Variants in CNTN4 observed in about 807,000 individuals in gnomAD.
CNTN4 encodes the protein contactin-4.
CNTN4 carries 77 observed loss-of-function variants against 122.5 expected under a neutral mutation model. The ratio of observed to expected loss-of-function variants is 0.63; its 90% confidence interval spans 0.52 to 0.76. The LOEUF (loss-of-function observed/expected upper bound fraction) is 0.76, where lower values mean the gene tolerates loss of function less well. Ranked by LOEUF, CNTN4 falls within the 30% of genes least tolerant of loss-of-function variation. CNTN4 has a pLI of 0.00. For missense variants in CNTN4, 1,256 were observed against 1,259.1 expected, an observed-to-expected ratio of 1.00 and a Z score of 0.04; for synonymous variants, 512 against 447.0, an observed-to-expected ratio of 1.15 and a Z score of -1.83.
At chr3:2,437,150 T>C (rs1334201185) in intron 3 of CNTN4, among the ~76,000 whole-genome samples, 1 of 152,178 alleles carries the variant, frequency 6.6e-6, no homozygotes, top group African/African-American at 2.4e-5. Flanking sequence ...ATCCTGTTCA[T>C]TGCCAAAGTG....
chr3:2,144,170 A>C (rs916306602), intron 2 of CNTN4: 2 of 152,172 alleles, frequency 1.3e-5, no homozygotes, highest in Non-Finnish European at 2.9e-5. Flanking sequence ...AGCAGGTGGG[A>C]CTGGAGCAAT....
chr3:2,812,470 C>G (rs1402585188), intron 6 of CNTN4, among the ~76,000 whole-genome samples: 1 of 152,102 alleles, frequency 6.6e-6, no homozygotes, highest in South Asian at 2.1e-4. Context: ...GATAAGATAT[C>G]TGATTCACTT....
At chr3:3,037,768 G>T in intron 18 of CNTN4, 1 of 256,442 alleles carries the variant, frequency 3.9e-6, no homozygotes, top group Non-Finnish European at 7.6e-6. Context: ...AATTTCTTCA[G>T]AAATGTTCAC....
chr3:2,226,859 T>C (rs1340924826), intron 2 of CNTN4, among the ~76,000 whole-genome samples: 1 of 152,188 alleles, frequency 6.6e-6, no homozygotes, highest in Admixed American at 6.5e-5. Flanking sequence ...TGCCAGACAT[T>C]GTTACAAGAA....
intron 3 of CNTN4, among the ~76,000 whole-genome samples, chr3:2,409,215 A>C (rs939095742): frequency 1.3e-5 from 2 of 151,494 alleles, no homozygotes; most frequent in Non-Finnish European, 2.9e-5. Flanking sequence ...ACTTTTTTTA[A>C]AGTTCTGAGT....
At chr3:2,646,854 T>A (rs1035474604) in intron 4 of CNTN4, among the ~76,000 whole-genome samples, 1 of 152,168 alleles carries the variant, frequency 6.6e-6, no homozygotes, top group African/African-American at 2.4e-5. Context: ...GCAGTCAGAT[T>A]GGGTTAAAGA....
At chr3:2,824,432 G>C (rs986050665) in intron 7 of CNTN4, among the ~76,000 whole-genome samples, 1 of 151,390 alleles carries the variant, frequency 6.6e-6, no homozygotes, top group African/African-American at 2.4e-5. Flanking sequence ...ACTCCAGCCT[G>C]GGCGACAGAG....
intron 6 of CNTN4, among the ~76,000 whole-genome samples, chr3:2,784,414 G>C (rs1466180604): frequency 6.6e-6 from 1 of 152,292 alleles, no homozygotes; most frequent in Admixed American, 6.5e-5. Flanking sequence ...AATATAGGGA[G>C]AATATAATTA....
intron 2 of CNTN4, among the ~76,000 whole-genome samples, chr3:2,149,988 T>A (rs1462908505): frequency 6.6e-6 from 1 of 151,608 alleles, no homozygotes; most frequent in Non-Finnish European, 1.5e-5. Context: ...TTTTCTGTAT[T>A]ATATCAAGTA....
chr3:2,633,189 C>G lies in CNTN4; in HGVS notation c.55+61631C>G, dbSNP rs2082518231. On this transcript the variant is annotated intron_variant, in intron 4 of 24. Coordinates refer to ENST00000418658, the MANE Select transcript of CNTN4 (RefSeq NM_175607.3). ...AGGAGTCCAGTCATGCAAACCTTAG[C>G]TATAGCCCCACGAAGGCTACAACAG... Among the ~76,000 whole-genome samples, 4 of 152,118 alleles carry G rather than the reference C, an allele frequency of 2.6e-5. No homozygotes were observed. The South Asian group carries it at 6.2e-4, about 24-fold the overall frequency.
intron 9 of CNTN4, among the ~76,000 whole-genome samples, chr3:2,886,057 CA>C (rs2093972884): frequency 6.6e-6 from 1 of 152,088 alleles, no homozygotes; most frequent in African/African-American, 2.4e-5. Context: ...ATTTATTAGT[CA>C]AAGTGGTTAA....
intron 2 of CNTN4, among the ~76,000 whole-genome samples, chr3:2,163,855 G>T (rs2036069845): frequency 6.6e-6 from 1 of 152,128 alleles, no homozygotes; most frequent in Non-Finnish European, 1.5e-5. Context: ...ATAGATATTG[G>T]CCTGAAAGTG....
chr3:2,997,607 A>T (rs147451166), intron 14 of CNTN4, among the ~76,000 whole-genome samples: 323 of 152,308 alleles, frequency 2.1e-3, no homozygotes, highest in African/African-American at 7.2e-3. Flanking sequence ...AAACTGCCCA[A>T]AAGACTTTAG....
chr3:2,755,224 C>T (rs964124398), intron 6 of CNTN4, among the ~76,000 whole-genome samples: 2 of 152,212 alleles, frequency 1.3e-5, no homozygotes, highest in Non-Finnish European at 2.9e-5. Context: ...GTTTGATACA[C>T]GGCTAAACTC....
chr3:2,163,645 GA>G (rs898971098), intron 2 of CNTN4, among the ~76,000 whole-genome samples: 31 of 143,204 alleles, frequency 2.2e-4, no homozygotes, highest in African/African-American at 5.4e-4. Context: ...AGGAACTCAA[GA>G]AAAAAAAAAC....
intron 13 of CNTN4, among the ~76,000 whole-genome samples, chr3:2,950,601 C>G (rs2094730053): frequency 6.6e-6 from 1 of 152,152 alleles, no homozygotes; most frequent in Admixed American, 6.5e-5. Flanking sequence ...TGCGCATTGC[C>G]CAGATGGTCT....
At chr3:2,166,941 G>T (rs2036219981) in intron 2 of CNTN4, among the ~76,000 whole-genome samples, 1 of 152,180 alleles carries the variant, frequency 6.6e-6, no homozygotes, top group Non-Finnish European at 1.5e-5. Context: ...TTGGAAGAAA[G>T]AAACGAGAAA....
At chr3:2,263,292 G>A (rs2040913298) in intron 2 of CNTN4, among the ~76,000 whole-genome samples, 1 of 152,090 alleles carries the variant, frequency 6.6e-6, no homozygotes, top group Non-Finnish European at 1.5e-5. Context: ...TCTTAACGGT[G>A]TCAGCAAAAT....
chr3:2,469,473 G>A (rs2075612344), intron 3 of CNTN4, among the ~76,000 whole-genome samples: 1 of 152,128 alleles, frequency 6.6e-6, no homozygotes, highest in Admixed American at 6.5e-5. Context: ...CAGTTTTATG[G>A]ACTTTGAGTC....
Sources: allele counts gnomAD v4.1 joint callset (sites outside exome capture counted in the v4.1 genomes callset), GRCh38; gene constraint gnomAD v4.1.1; transcripts MANE v1.5; gene names NCBI Gene and HGNC (gene_info 2026-07-23, HGNC 2026-07-21).